The following H6PD variants were observed in gnomAD, a reference collection of about 807,000 sequenced individuals.
H6PD encodes the protein GDH/6PGL endoplasmic bifunctional protein.
In H6PD, 48 loss-of-function variants were observed where a neutral mutation model predicts 61.2. The observed-to-expected ratio is 0.78, with a 90% confidence interval of 0.62 to 1.00. H6PD has a LOEUF of 1.00. Ranked by LOEUF, H6PD falls within the 50% of genes least tolerant of loss-of-function variation. H6PD has a pLI of 0.00. For missense variants in H6PD, 1,093 were observed against 1,065.0 expected (o/e 1.03, Z -0.37); for synonymous variants, 480 against 457.9 (o/e 1.05, Z -0.62).
intron 4 of H6PD, among the ~76,000 whole-genome samples, chr1:9,263,202 T>C (rs954199030): frequency 6.6e-6 from 1 of 152,124 alleles, no homozygotes; most frequent in Non-Finnish European, 1.5e-5. Flanking sequence ...CTGTGGGGCG[T>C]CCTTTAGAGT....
At chr1:9,244,095 C>T (rs919986331) in intron 1 of H6PD, among the ~76,000 whole-genome samples, 1 of 152,158 alleles carries the variant, frequency 6.6e-6, no homozygotes, top group African/African-American at 2.4e-5. Context: ...GGATTCTTGT[C>T]TGGATTCATT....
chr1:9,243,054 T>C (rs1641046378), intron 1 of H6PD: 2 of 741,932 alleles, frequency 2.7e-6, no homozygotes, highest in African/African-American at 1.9e-5. Context: ...CCTGATCCTC[T>C]AGTTAAAGCT....
rs1237003093 is a variant in H6PD, at chr1:9,262,304, C to T, written c.991C>T (p.His331Tyr). The T allele has an allele frequency of 6.2e-7, 1 of 1,607,102 alleles. No individual in the cohort carries two copies. Among genetic ancestry groups the T allele is most frequent in the East Asian group, 2.2e-5 (1 of 44,574 alleles). The change falls in exon 4 of 5, where the codon CAC (histidine) becomes TAC (tyrosine). Residue 331 changes from histidine to tyrosine, a missense_variant. His to Tyr is a moderately conservative substitution (Grantham distance 83). Coordinates refer to ENST00000377403, the MANE Select transcript of H6PD (RefSeq NM_004285.4). The part of the protein sequence containing the change: ...RRELQKPDSF[H>Y]SLTPTFAAVL... ...AGAGCTGCAGAAGCCAGACAGCTTC[C>T]ACAGCCTGACGCCGACCTTCGCAGG...
chr1:9,235,500 C>G (rs1251421866), intron 1 of H6PD, among the ~76,000 whole-genome samples: 1 of 152,178 alleles, frequency 6.6e-6, no homozygotes, highest in Non-Finnish European at 1.5e-5. Context: ...TGCCCACTCC[C>G]CCTGCACCCA....
In H6PD at chr1:9,245,164, T is replaced by C. The variant is rs1641128093; in HGVS notation, c.230T>C (p.Met77Thr). 1 of 1,614,204 alleles carries C rather than the reference T, an allele frequency of 6.2e-7. No individual in the cohort carries two copies. ...LTAPKQGQEL[M>T]AKALESLSCP... ...GCCCCCAAGCAGGGTCAAGAGCTCA[T>C]GGCCAAGGCCCTGGAATCCCTCTCC... The change falls in exon 2 of 5, where the codon ATG becomes ACG. Residue 77 changes from methionine to threonine, a missense_variant. Coordinates refer to ENST00000377403, the MANE Select transcript of H6PD (RefSeq NM_004285.4). The surrounding 1 kb of genome is among the most constrained non-coding windows in gnomAD (Gnocchi z 4.8).
At chr1:9,235,777 A>G (rs1640833574) in intron 1 of H6PD, among the ~76,000 whole-genome samples, 1 of 151,972 alleles carries the variant, frequency 6.6e-6, no homozygotes, top group East Asian at 1.9e-4. Flanking sequence ...CGCCTGGCTA[A>G]TTTTTAAACC....
At chr1:9,260,413 ATGTTGTTATGCTGGTGTTGTTTTGT>A (rs1557747599) in intron 3 of H6PD, among the ~76,000 whole-genome samples, 1 of 143,344 alleles carries the variant, frequency 7.0e-6, no homozygotes, top group Non-Finnish European at 1.5e-5. Flanking sequence ...CGGTGGTGTT[ATGTTGTTATGCTGGTGTTGTTTTGT>A]TGTTGTTATG....
At position 9,245,558 on chromosome 1, in the gene H6PD, G is replaced by A. The variant is rs1641147712; in HGVS notation, c.624G>A (p.Lys208=). The part of the protein sequence containing the change: ...EMYRVDHYLG[K]QAVAQILPFR... Reference sequence around the variant, plus strand: ...ACCGGGTGGACCATTACTTAGGCAAGCAGGTGAGCATCAGCATGGAGCCTG... The same window carrying A: ...ACCGGGTGGACCATTACTTAGGCAAACAGGTGAGCATCAGCATGGAGCCTG... Residue 208 remains lysine, a synonymous_variant, in exon 2 of 5, where the codon AAG becomes AAA. Transcript: ENST00000377403. This position sits in a 1 kb window ranked among gnomAD's most constrained non-coding sequence, Gnocchi z 4.8. The A allele has an allele frequency of 6.2e-7, 1 of 1,614,134 alleles. No homozygotes were observed. Among genetic ancestry groups the A allele is most frequent in the Non-Finnish European group, 8.5e-7 (1 of 1,179,996 alleles).
chr1:9,259,182 C>T (rs9435158), intron 3 of H6PD, among the ~76,000 whole-genome samples: 108,878 of 152,072 alleles, frequency 0.72, 39,477 homozygotes, highest in Middle Eastern at 0.84. Flanking sequence ...TTAGTAGAGA[C>T]GGGGTTTCAC....
In H6PD at chr1:9,264,007, C is replaced by G. The variant is rs140268072; in HGVS notation, c.1514C>G (p.Ala505Gly). 39 of 1,614,234 alleles carry G rather than the reference C, an allele frequency of 2.4e-5. No homozygotes were observed. The African/African-American group carries it at 5.1e-4, about 21-fold the overall frequency. ...HKAPRLYPGG[A>G]ENGRLLDFEF... ...GCCCCACGCCTCTACCCTGGAGGAG[C>G]TGAGAATGGCCGTCTGTTGGACTTT... The change falls in exon 5 of 5, where the codon GCT becomes GGT. Residue 505 changes from alanine to glycine, a missense_variant. Physicochemically the swap from Ala to Gly is moderately conservative, Grantham distance 60. Coordinates refer to ENST00000377403, the MANE Select transcript of H6PD (RefSeq NM_004285.4).
At chr1:9,257,707 G>A (rs1641563016) in intron 3 of H6PD, among the ~76,000 whole-genome samples, 3 of 152,198 alleles carry the variant, frequency 2.0e-5, no homozygotes, top group Admixed American at 6.5e-5. Context: ...CTCAGAAGGG[G>A]TAGGCCAAAG....
At chr1:9,237,378 A>G (rs1226995715) in intron 1 of H6PD, among the ~76,000 whole-genome samples, 1 of 150,722 alleles carries the variant, frequency 6.6e-6, no homozygotes, top group African/African-American at 2.4e-5. Context: ...GATTACAGGC[A>G]CCTGCCACCA....
intron 1 of H6PD, among the ~76,000 whole-genome samples, chr1:9,240,297 A>G (rs951910966): frequency 6.6e-6 from 1 of 152,178 alleles, no homozygotes; most frequent in Admixed American, 6.5e-5. Context: ...TAACTGCTGA[A>G]TGACGCACAG....
At chr1:9,246,863 C>T (rs1477578208) in intron 2 of H6PD, 103 bp from the exon 3 acceptor site, 2 of 833,540 alleles carry the variant, frequency 2.4e-6, no homozygotes, top group Non-Finnish European at 4.2e-6. Context: ...GCATCTTCTG[C>T]TCTGAGCAGG....
At chr1:9,247,772 C>T (rs1384979881) in intron 3 of H6PD, among the ~76,000 whole-genome samples, 2 of 152,200 alleles carry the variant, frequency 1.3e-5, no homozygotes, top group Non-Finnish European at 2.9e-5. Context: ...TGGGTGGCCT[C>T]AGCATGTCAC....
Position 9,264,965 on chromosome 1 carries a change from G to A in H6PD, c.*96G>A. ...CCCGCCACCTGCCCAGCGTGCCCTG[G>A]CTCTCCAGAACCTTCTATCCCACAG... On this transcript the variant is annotated 3_prime_UTR_variant, in exon 5 of 5. Transcript: ENST00000377403. The A allele has an allele frequency of 7.3e-7, 1 of 1,361,562 alleles. No individual in the cohort carries two copies. Among genetic ancestry groups the A allele is most frequent in the Admixed American group, 1.8e-5 (1 of 55,498 alleles). The allele number at this position is 1,361,562 out of a possible 1,614,324, so 84.3% of individuals were successfully genotyped here.
Position 9,267,155 on chromosome 1 carries a change from G to T in H6PD, c.*2286G>T, listed in dbSNP as rs1208270299. On this transcript the variant is annotated 3_prime_UTR_variant, in exon 5 of 5. Transcript: ENST00000377403. ...TTTTTACACCCAGAGAGCGCCCCTC[G>T]TTAGGACAGAACCACGGTGCCCAGA... 1 of 152,374 alleles carries T rather than the reference G, an allele frequency of 6.6e-6. No homozygotes were observed. Among genetic ancestry groups the T allele is most frequent in the Non-Finnish European group, 1.5e-5 (1 of 68,204 alleles). The allele number at this position is 152,374 out of a possible 1,614,324, so 9.4% of individuals were successfully genotyped here. A position where few individuals can be genotyped will look rare whatever the true frequency, so the allele number is the denominator to read the frequency against.
Position 9,268,497 on chromosome 1 carries a change from G to A in H6PD, c.*3628G>A, listed in dbSNP as rs1638643162. ...AATGGCAGAAGGGCCCCTCCTTTGG[G>A]AGACCTTGTCAGTCAGCATCTCTAG... On this transcript the variant is annotated 3_prime_UTR_variant, in exon 5 of 5. Coordinates refer to ENST00000377403, the MANE Select transcript of H6PD (RefSeq NM_004285.4). 6.6e-6 allele frequency: 1 copy of A among 152,226 alleles called. No individual in the cohort carries two copies. Among genetic ancestry groups the A allele is most frequent in the African/African-American group, 2.4e-5 (1 of 41,462 alleles). The allele number at this position is 152,226 out of a possible 1,614,324, so 9.4% of individuals were successfully genotyped here. A position where few individuals can be genotyped will look rare whatever the true frequency, so the allele number is the denominator to read the frequency against.
In H6PD at chr1:9,264,921, T is replaced by C; in HGVS notation, c.*52T>C. ...GCTCCTGTGCTTTCCTTCGCCCGTG[T>C]CTTCCCTCCCTTCTCGGCCCCGCCA... is the stretch of plus-strand genomic sequence containing the variant. On this transcript the variant is annotated 3_prime_UTR_variant, in exon 5 of 5. Coordinates refer to ENST00000377403, the MANE Select transcript of H6PD (RefSeq NM_004285.4). The C allele has an allele frequency of 1.9e-6, 3 of 1,597,036 alleles. No individual in the cohort carries two copies. The highest frequency in any genetic ancestry group is 1.7e-6 in the Non-Finnish European group (2 of 1,173,716).
Sources: allele counts gnomAD v4.1 joint callset (sites outside exome capture counted in the v4.1 genomes callset), GRCh38; gene constraint gnomAD v4.1.1; non-coding constraint Gnocchi (gnomAD v3.1); transcripts MANE v1.5; gene names NCBI Gene and HGNC (gene_info 2026-07-23, HGNC 2026-07-21).